Variants in NRF1 observed in about 807,000 individuals in gnomAD.
The protein encoded by NRF1 is alpha palindromic-binding protein.
A neutral mutation model predicts 58.5 loss-of-function variants in NRF1; 5 were observed. The observed-to-expected ratio is 0.09, with a 90% CI of 0.04 to 0.18. The LOEUF is 0.18. NRF1 is among the 10% of genes least tolerant of loss of function. NRF1 has a pLI of 1.00. For missense variants in NRF1, 288 were observed against 657.7 expected, an observed-to-expected ratio of 0.44 and a Z score of 6.15; for synonymous variants, 224 against 246.7, an observed-to-expected ratio of 0.91 and a Z score of 0.86.
At chr7:129,706,435 G>A (rs995881103) in intron 5 of NRF1, among the ~76,000 whole-genome samples, 4 of 152,212 alleles carry the variant, frequency 2.6e-5, no homozygotes, top group Non-Finnish European at 5.9e-5. Context: ...GAGAAGAAGG[G>A]ATAGACACCA....
chr7:129,619,738 T>TG (rs956005062), intron 1 of NRF1, among the ~76,000 whole-genome samples: 2 of 146,126 alleles, frequency 1.4e-5, no homozygotes, highest in African/African-American at 2.5e-5. Flanking sequence ...TTTGGGTTGT[T>TG]TTTTTTTTTT....
chr7:129,653,693 T>G (rs566046867), intron 1 of NRF1, among the ~76,000 whole-genome samples: 5 of 152,338 alleles, frequency 3.3e-5, no homozygotes, highest in Non-Finnish European at 7.4e-5. Context: ...CCCCATAGTT[T>G]TGCTTTTCCA....
chr7:129,663,534 G>A (rs7806603), intron 2 of NRF1, among the ~76,000 whole-genome samples: 22,642 of 149,882 alleles, frequency 0.15, 1,863 homozygotes, highest in African/African-American at 0.23. Flanking sequence ...CAGACGGGGT[G>A]GCCGGGCAGA....
chr7:129,616,343 G>A (rs1168901477), intron 1 of NRF1, among the ~76,000 whole-genome samples: 1 of 152,214 alleles, frequency 6.6e-6, no homozygotes, highest in African/African-American at 2.4e-5. Context: ...AGCACTTTGG[G>A]AGGCCAAGGC....
intron 10 of NRF1, among the ~76,000 whole-genome samples, chr7:129,728,291 G>A (rs1484777427): frequency 6.6e-6 from 1 of 152,046 alleles, no homozygotes; most frequent in Non-Finnish European, 1.5e-5. Context: ...AGCCAAAGTG[G>A]GTGGATCACC....
intron 2 of NRF1, among the ~76,000 whole-genome samples, chr7:129,663,338 G>A (rs983199233): frequency 6.1e-4 from 93 of 151,766 alleles, no homozygotes; most frequent in African/African-American, 2.2e-3. Context: ...TCCCAGACGG[G>A]GTGGCCGGGC....
intron 1 of NRF1, among the ~76,000 whole-genome samples, chr7:129,648,684 A>G (rs1393221852): frequency 6.6e-6 from 1 of 152,016 alleles, no homozygotes; most frequent in Non-Finnish European, 1.5e-5. Context: ...CCTGCTAATA[A>G]TGTCTCCTGA....
At chr7:129,629,489 G>C (rs548066897) in intron 1 of NRF1, among the ~76,000 whole-genome samples, 2 of 151,904 alleles carry the variant, frequency 1.3e-5, no homozygotes, top group Admixed American at 6.6e-5. Context: ...TGGCCAGGCT[G>C]TTCTCAAACT....
chr7:129,729,984 C>T (rs558418036), intron 10 of NRF1, among the ~76,000 whole-genome samples: 9 of 152,186 alleles, frequency 5.9e-5, no homozygotes, highest in East Asian at 1.9e-4. Flanking sequence ...GGATTATAGA[C>T]GTGCCACACC....
At chr7:129,676,377 T>G (rs1802179330) in intron 3 of NRF1, among the ~76,000 whole-genome samples, 1 of 152,332 alleles carries the variant, frequency 6.6e-6, no homozygotes, top group East Asian at 1.9e-4. Flanking sequence ...GTCTAGCTTT[T>G]GATTAAAAGT....
Position 129,755,297 on chromosome 7 carries a change from CCTT to C in NRF1, c.*117_*119del. 2 of 952,616 alleles carry C rather than the reference CCTT, an allele frequency of 2.1e-6. No homozygotes were observed. Among genetic ancestry groups the C allele is most frequent in the Non-Finnish European group, 2.8e-6 (2 of 709,938 alleles). The allele number at this position is 952,616 out of a possible 1,614,324, so 59.0% of individuals were successfully genotyped here. A position where few individuals can be genotyped will look rare whatever the true frequency, so the allele number is the denominator to read the frequency against. On this transcript the variant is annotated 3_prime_UTR_variant, in exon 11 of 11. Coordinates refer to ENST00000393232, the MANE Select transcript of NRF1 (RefSeq NM_005011.5). The surrounding 1 kb of genome is among the most constrained non-coding windows in gnomAD (Gnocchi z 5.8). The stretch of plus-strand genomic sequence containing the variant: ...GACTTTGGAAGGAAAGTTTTGTTAA[CCTT>C]TTTTTTTTTAAAAGGAAGAAAGCGG...
At chr7:129,671,764 G>C (rs867748589) in intron 3 of NRF1, among the ~76,000 whole-genome samples, 7 of 152,212 alleles carry the variant, frequency 4.6e-5, no homozygotes, top group Non-Finnish European at 7.3e-5. Flanking sequence ...AAAGTTGTAT[G>C]CCTGCTATGT....
At chr7:129,685,573 GTGTGT>G (rs1802426384) in intron 4 of NRF1, among the ~76,000 whole-genome samples, 1 of 70,398 alleles carries the variant, frequency 1.4e-5, no homozygotes, top group African/African-American at 3.3e-5. Context: ...GTGTGTGTGT[GTGTGT>G]GTGTGTGTGT....
At chr7:129,674,701 C>G (rs1802136283) in intron 3 of NRF1, among the ~76,000 whole-genome samples, 1 of 152,176 alleles carries the variant, frequency 6.6e-6, no homozygotes. Context: ...TCCCAAAGTG[C>G]TGGGATTACA....
At position 129,736,680 on chromosome 7, in the gene NRF1, T is replaced by G. The variant is rs141583989; in HGVS notation, c.1348+9315T>G. 2.1e-3 allele frequency among the ~76,000 whole-genome samples: 325 copies of G among 151,684 alleles called. 4 individuals carry two copies. The highest frequency in any genetic ancestry group is 0.016 in the East Asian group (83 of 5,154). On this transcript the variant is annotated intron_variant, in intron 10 of 10. Transcript: ENST00000393232. ...CTAGCAGCAGGGAGGGTATTAGCTT[T>G]GATTGAATGTGTAACTAGACCAGAG...
chr7:129,697,074 G>A (rs986414955), intron 5 of NRF1, among the ~76,000 whole-genome samples: 1 of 152,098 alleles, frequency 6.6e-6, no homozygotes, highest in African/African-American at 2.4e-5. Flanking sequence ...TATATGTATT[G>A]CCTATATTCA....
chr7:129,670,385 T>C (rs1802020249), intron 2 of NRF1, among the ~76,000 whole-genome samples: 1 of 152,240 alleles, frequency 6.6e-6, no homozygotes, highest in Non-Finnish European at 1.5e-5. Context: ...AAATTTTTTC[T>C]GTAACAGCTA....
chr7:129,617,884 T>C (rs1373768546), intron 1 of NRF1, among the ~76,000 whole-genome samples: 2 of 152,184 alleles, frequency 1.3e-5, no homozygotes, highest in Non-Finnish European at 2.9e-5. Flanking sequence ...ATTTGAGAAC[T>C]AGCAAGTGGA....
intron 10 of NRF1, among the ~76,000 whole-genome samples, chr7:129,745,092 C>A (rs765361126): frequency 1.3e-5 from 2 of 152,292 alleles, no homozygotes; most frequent in South Asian, 4.1e-4. Context: ...GCCTGCTGTT[C>A]ATTTCTGCAC....
Sources: allele counts gnomAD v4.1 joint callset (sites outside exome capture counted in the v4.1 genomes callset), GRCh38; gene constraint gnomAD v4.1.1; non-coding constraint Gnocchi (gnomAD v3.1); transcripts MANE v1.5; gene names NCBI Gene and HGNC (gene_info 2026-07-23, HGNC 2026-07-21).